Variants in EIF4EBP1 observed in about 807,000 individuals in gnomAD.
The protein encoded by EIF4EBP1 is eukaryotic translation initiation factor 4E binding protein 1, also known as eukaryotic translation initiation factor 4E-binding protein 1.
EIF4EBP1 carries 5 observed loss-of-function variants against 9.2 expected under a neutral mutation model. The ratio of observed to expected loss-of-function variants is 0.54; its 90% confidence interval spans 0.28 to 1.14. The LOEUF is 1.14. EIF4EBP1 is among the 50% of genes most tolerant of loss of function. The pLI is 0.09. For synonymous variants in EIF4EBP1, 62 were observed against 67.0 expected (o/e 0.93, Z 0.36); for missense variants, 139 against 169.6 (o/e 0.82, Z 1.00).
intron 2 of EIF4EBP1, 63 bp downstream of exon 2, chr8:38,057,323 C>G: frequency 6.6e-7 from 1 of 1,514,212 alleles, no homozygotes; most frequent in Non-Finnish European, 8.8e-7. Context: ...CTCCTGGAGT[C>G]CATCCACTGG....
At chr8:38,052,266 CTT>C (rs879655309) in intron 1 of EIF4EBP1, among the ~76,000 whole-genome samples, 7 of 143,848 alleles carry the variant, frequency 4.9e-5, no homozygotes, top group Non-Finnish European at 4.6e-5. Context: ...TAAGGTTTGT[CTT>C]TTTTTTTTTT....
At chr8:38,039,768 T>A (rs1809351804) in intron 1 of EIF4EBP1, among the ~76,000 whole-genome samples, 1 of 152,210 alleles carries the variant, frequency 6.6e-6, no homozygotes, top group South Asian at 2.1e-4. Flanking sequence ...ATACTTCATT[T>A]TAAGTCAAGG....
At chr8:38,049,269 T>C (rs1403516494) in intron 1 of EIF4EBP1, among the ~76,000 whole-genome samples, 1 of 152,120 alleles carries the variant, frequency 6.6e-6, no homozygotes, top group Admixed American at 6.6e-5. Context: ...GTTTGCAGGC[T>C]TCCAGTCTTG....
chr8:38,033,316 C>T (rs1809251733), intron 1 of EIF4EBP1, among the ~76,000 whole-genome samples: 1 of 152,016 alleles, frequency 6.6e-6, no homozygotes, highest in East Asian at 1.9e-4. Context: ...GATCTGCCTG[C>T]CTCGGCCTTC....
chr8:38,038,536 T>A (rs1224782964), intron 1 of EIF4EBP1, among the ~76,000 whole-genome samples: 1 of 150,334 alleles, frequency 6.7e-6, no homozygotes, highest in Non-Finnish European at 1.5e-5. Flanking sequence ...AGAGTCTTGT[T>A]CTATTACCTA....
chr8:38,052,291 C>T (rs927884864), intron 1 of EIF4EBP1, among the ~76,000 whole-genome samples: 3 of 151,422 alleles, frequency 2.0e-5, no homozygotes, highest in African/African-American at 4.9e-5. Context: ...GACAGGGTCT[C>T]GCTCTGTCTC....
intron 1 of EIF4EBP1, among the ~76,000 whole-genome samples, chr8:38,040,853 G>A (rs1362765607): frequency 1.3e-5 from 2 of 151,854 alleles, no homozygotes; most frequent in African/African-American, 4.9e-5. Flanking sequence ...TCAGGGAGAG[G>A]GGAAATACAT....
chr8:38,051,701 T>G (rs1222518937), intron 1 of EIF4EBP1, among the ~76,000 whole-genome samples: 1 of 151,972 alleles, frequency 6.6e-6, no homozygotes, highest in East Asian at 1.9e-4. Flanking sequence ...CAGGTTCAAG[T>G]GATTCTCCTG....
At position 38,059,695 on chromosome 8, in the gene EIF4EBP1, G is replaced by A. The variant is rs144330877; in HGVS notation, c.326-209G>A. On this transcript the variant is annotated intron_variant, in intron 2 of 2. Transcript: ENST00000338825. ...CGCTTGAACCCAGGAGGCGGAGGTT[G>A]CAGTGAGCCGAAATTGGGCCACTGC... Among the ~76,000 whole-genome samples the A allele has an allele frequency of 3.2e-3, 481 of 151,458 alleles. 4 individuals carry two copies. Among genetic ancestry groups the A allele is most frequent in the African/African-American group, 0.011 (459 of 41,284 alleles).
chr8:38,052,391 G>C (rs1389469801), intron 1 of EIF4EBP1, among the ~76,000 whole-genome samples: 1 of 145,128 alleles, frequency 6.9e-6, no homozygotes, highest in African/African-American at 2.9e-5. Context: ...CTCCCGCGTA[G>C]CTAGGACTCC....
intron 1 of EIF4EBP1, among the ~76,000 whole-genome samples, chr8:38,046,879 C>T (rs1452002183): frequency 6.6e-6 from 1 of 152,180 alleles, no homozygotes; most frequent in East Asian, 1.9e-4. Flanking sequence ...GAACTCTACC[C>T]CCAGCACACA....
intron 1 of EIF4EBP1, among the ~76,000 whole-genome samples, chr8:38,053,967 G>A (rs117749818): frequency 5.7e-4 from 87 of 152,238 alleles, no homozygotes; most frequent in Non-Finnish European, 8.8e-4. Flanking sequence ...GATGATTGGC[G>A]GTGATGGTAG....
intron 1 of EIF4EBP1, among the ~76,000 whole-genome samples, chr8:38,046,355 G>A (rs1809449997): frequency 6.6e-6 from 1 of 152,060 alleles, no homozygotes; most frequent in African/African-American, 2.4e-5. Flanking sequence ...TCCTATATTT[G>A]GTGCACATTT....
chr8:38,037,845 CT>C (rs1440063226), intron 1 of EIF4EBP1, among the ~76,000 whole-genome samples: 2 of 152,014 alleles, frequency 1.3e-5, no homozygotes, highest in Non-Finnish European at 2.9e-5. Context: ...ACGATCATGC[CT>C]CACTGCAGTC....
intron 1 of EIF4EBP1, 147 bp downstream of exon 1, chr8:38,030,865 G>A: frequency 1.6e-6 from 2 of 1,215,786 alleles, no homozygotes; most frequent in South Asian, 1.9e-5. Context: ...GAGGGTCATG[G>A]AAGTGGCCGC....
chr8:38,051,941 G>A (rs962811209), intron 1 of EIF4EBP1, among the ~76,000 whole-genome samples: 1 of 152,166 alleles, frequency 6.6e-6, no homozygotes, highest in Non-Finnish European at 1.5e-5. Context: ...GGCCAAGCTG[G>A]TCTGGAACTC....
At chr8:38,037,018 G>T (rs1809312928) in intron 1 of EIF4EBP1, among the ~76,000 whole-genome samples, 1 of 151,948 alleles carries the variant, frequency 6.6e-6, no homozygotes, top group Admixed American at 6.6e-5. Context: ...AAAAAAAAAT[G>T]TTCAGTTGTG....
Position 38,060,063 on chromosome 8 carries a change from C to A in EIF4EBP1, c.*128C>A, listed in dbSNP as rs1809653149. ...GTTGGCGTGGGGTCGGACACCCCAGCCCTTTCTCCCTCACTCAGGGCACCT... is the reference window on the plus strand; with the variant it reads ...GTTGGCGTGGGGTCGGACACCCCAGACCTTTCTCCCTCACTCAGGGCACCT... On this transcript the variant is annotated 3_prime_UTR_variant, in exon 3 of 3. Coordinates refer to ENST00000338825, the MANE Select transcript of EIF4EBP1 (RefSeq NM_004095.4). 1 of 898,186 alleles carries A rather than the reference C, an allele frequency of 1.1e-6. No individual in the cohort carries two copies. The highest frequency in any genetic ancestry group is 1.8e-6 in the Non-Finnish European group (1 of 542,420). The allele number at this position is 898,186 out of a possible 1,614,324, so 55.6% of individuals were successfully genotyped here.
At chr8:38,048,934 G>C (rs567352831) in intron 1 of EIF4EBP1, among the ~76,000 whole-genome samples, 1 of 152,068 alleles carries the variant, frequency 6.6e-6, no homozygotes, top group Admixed American at 6.6e-5. Flanking sequence ...TTCAAGACCA[G>C]CCTCGACATG....
Sources: gnomAD v4.1 joint callset for allele counts (sites outside exome capture counted in the v4.1 genomes callset) on GRCh38, gnomAD v4.1.1 for gene constraint, MANE v1.5 for transcripts, NCBI Gene and HGNC (gene_info 2026-07-23, HGNC 2026-07-21) for gene names.